MGAT5B: variants seen among roughly 807,000 people sequenced by gnomAD.
MGAT5B encodes N-acetylglucosaminyl-transferase Vb.
MGAT5B carries 54 observed loss-of-function variants against 95.1 expected under a neutral mutation model. That is an observed-to-expected ratio of 0.57 (90% CI 0.46 to 0.71). The LOEUF (loss-of-function observed/expected upper bound fraction) is 0.71, where lower values mean the gene tolerates loss of function less well. MGAT5B is among the 30% of genes least tolerant of loss of function. MGAT5B has a pLI of 0.00. For missense variants in MGAT5B, 935 were observed against 1,088.6 expected (o/e 0.86, Z 1.99); for synonymous variants, 464 against 451.0 (o/e 1.03, Z -0.36).
At chr17:76,943,397 C>G (rs911666815) in intron 15 of MGAT5B, among the ~76,000 whole-genome samples, 1 of 152,028 alleles carries the variant, frequency 6.6e-6, no homozygotes, top group East Asian at 1.9e-4. Flanking sequence ...CAGCTCACCC[C>G]CTCAGCTCAC....
At chr17:76,935,223 T>C (rs114172599) in intron 12 of MGAT5B, among the ~76,000 whole-genome samples, 1,794 of 152,262 alleles carry the variant, frequency 0.012, 39 homozygotes, top group African/African-American at 0.041. Flanking sequence ...CCTCAGACAG[T>C]CATCTGGGTG....
rs1379442150 is a variant in MGAT5B at position 76,916,013 on chromosome 17, C to T, written c.1026-8953C>T. Among the ~76,000 whole-genome samples, 1 of 152,244 alleles carries T rather than the reference C, an allele frequency of 6.6e-6. No individual in the cohort carries two copies. Among genetic ancestry groups the T allele is most frequent in the Non-Finnish European group, 1.5e-5 (1 of 68,044 alleles). On this transcript the variant is annotated intron_variant, in intron 8 of 17. Coordinates refer to ENST00000569840, the MANE Select transcript of MGAT5B (RefSeq NM_001199172.2). The surrounding 1 kb of genome is among the most constrained non-coding windows in gnomAD (Gnocchi z 5.3). The stretch of plus-strand genomic sequence containing the variant: ...TAAGGGGACAGAGAGGGAGCAGGCG[C>T]CGGCATGCCGAGTGTGGCGGGGTCA...
At chr17:76,882,421 C>T in intron 3 of MGAT5B, 123 bp downstream of exon 3, 2 of 1,236,040 alleles carry the variant, frequency 1.6e-6, no homozygotes, top group Non-Finnish European at 2.2e-6. Flanking sequence ...CACTGTGGTA[C>T]AGCCCAGAGT....
At chr17:76,884,705 G>A (rs1246542895) in intron 3 of MGAT5B, among the ~76,000 whole-genome samples, 1 of 151,660 alleles carries the variant, frequency 6.6e-6, no homozygotes, top group African/African-American at 2.4e-5. Flanking sequence ...CCGGGTTCAA[G>A]CGATTCTCCT....
intron 16 of MGAT5B, 37 bp from the exon 17 acceptor site, chr17:76,947,793 G>A (rs761433732): frequency 2.7e-5 from 41 of 1,505,184 alleles, no homozygotes; most frequent in African/African-American, 1.8e-4. Flanking sequence ...CACCTGGGTC[G>A]CACTTCCCCA....
chr17:76,937,970 CT>C lies in MGAT5B; in HGVS notation c.1429-17del. ...GTGGTTTGCATGTGGTTCCCATCTC[CT>C]CCTCTTCTTTTTCCAGGGGAAGGAG... On this transcript the variant is annotated splice_polypyrimidine_tract_variant and intron_variant, in intron 12 of 17. Coordinates refer to ENST00000569840, the MANE Select transcript of MGAT5B (RefSeq NM_001199172.2). 6.2e-7 allele frequency: 1 copy of C among 1,611,512 alleles called. No individual in the cohort carries two copies. The highest frequency in any genetic ancestry group is 1.1e-5 in the South Asian group (1 of 91,044).
chr17:76,891,646 G>A (rs139874423), intron 3 of MGAT5B, among the ~76,000 whole-genome samples: 3 of 152,062 alleles, frequency 2.0e-5, no homozygotes, highest in Non-Finnish European at 4.4e-5. Flanking sequence ...TCCCAGAGTG[G>A]TGGGATTACA....
chr17:76,910,049 TAGC>T (rs900191130), intron 8 of MGAT5B, among the ~76,000 whole-genome samples: 5 of 152,024 alleles, frequency 3.3e-5, no homozygotes, highest in African/African-American at 1.2e-4. Flanking sequence ...CACCTTGAAA[TAGC>T]AGGTCCAGGA....
intron 12 of MGAT5B, among the ~76,000 whole-genome samples, chr17:76,937,486 G>C (rs941501595): frequency 1.3e-5 from 2 of 151,984 alleles, no homozygotes; most frequent in African/African-American, 4.8e-5. Flanking sequence ...TGGACGCATA[G>C]AGTTATGGGC....
intron 8 of MGAT5B, among the ~76,000 whole-genome samples, chr17:76,909,564 C>G (rs1968657931): frequency 6.6e-6 from 1 of 152,228 alleles, no homozygotes; most frequent in African/African-American, 2.4e-5. Flanking sequence ...GCAGAGGATG[C>G]TGATGAGGAC....
chr17:76,932,861 C>G (rs1428129283), intron 11 of MGAT5B, 86 bp downstream of exon 11: 1 of 1,522,514 alleles, frequency 6.6e-7, no homozygotes, highest in Admixed American at 2.3e-5. Context: ...TTCCAGGATG[C>G]GGTGCCCTCC....
chr17:76,907,359 TA>T (rs906827783), intron 8 of MGAT5B, among the ~76,000 whole-genome samples: 1 of 152,178 alleles, frequency 6.6e-6, no homozygotes, highest in Non-Finnish European at 1.5e-5. Flanking sequence ...CCTGCTTTTG[TA>T]AAAAAAGTTT....
At chr17:76,887,701 G>A (rs1348763155) in intron 3 of MGAT5B, among the ~76,000 whole-genome samples, 5 of 151,028 alleles carry the variant, frequency 3.3e-5, no homozygotes, top group African/African-American at 1.2e-4. Flanking sequence ...TTACAGGCGT[G>A]CACCACCATG....
chr17:76,949,557 C>G lies in MGAT5B; in HGVS notation c.*719C>G, dbSNP rs949166638. On this transcript the variant is annotated 3_prime_UTR_variant, in exon 18 of 18. Coordinates refer to ENST00000569840, the MANE Select transcript of MGAT5B (RefSeq NM_001199172.2). ...TGGGGGTGTAGGGACCACCCAGACC[C>G]TGGTTGAATTGTTTCTCTCTCCTGC... The G allele has an allele frequency of 2.6e-5, 4 of 152,234 alleles. No homozygotes were observed. The highest frequency in any genetic ancestry group is 9.7e-5 in the African/African-American group (4 of 41,382). 9.4% of individuals were successfully genotyped at this position (152,234 alleles called of 1,614,324 possible).
Position 76,915,147 on chromosome 17 carries a change from C to T in MGAT5B, c.1025+8960C>T, listed in dbSNP as rs1013874436. 3.3e-5 allele frequency among the ~76,000 whole-genome samples: 5 copies of T among 152,282 alleles called. No homozygotes were observed. In the South Asian group the frequency reaches 1.0e-3, roughly 32 times the overall value. On this transcript the variant is annotated intron_variant, in intron 8 of 17. Coordinates refer to ENST00000569840, the MANE Select transcript of MGAT5B (RefSeq NM_001199172.2). The surrounding 1 kb of genome is among the most constrained non-coding windows in gnomAD (Gnocchi z 8.7). Reference sequence around the variant, plus strand: ...GTTTATTTTTCGAGATAAGAGAGTGCACTCATGTTTAAATGTGGCTGCAAA... The same window carrying T: ...GTTTATTTTTCGAGATAAGAGAGTGTACTCATGTTTAAATGTGGCTGCAAA...
At chr17:76,878,232 G>A (rs972286883) in intron 2 of MGAT5B, among the ~76,000 whole-genome samples, 6 of 152,134 alleles carry the variant, frequency 3.9e-5, no homozygotes, top group Non-Finnish European at 7.4e-5. Context: ...AGCACAAAAT[G>A]TGCCTGGTAC....
chr17:76,900,655 C>T (rs908099735), intron 3 of MGAT5B, among the ~76,000 whole-genome samples: 6 of 152,240 alleles, frequency 3.9e-5, no homozygotes, highest in Admixed American at 2.6e-4. Context: ...GCCCTGCTGC[C>T]ACCTCGCTGT....
chr17:76,939,329 C>T (rs1969790055), intron 13 of MGAT5B, among the ~76,000 whole-genome samples: 1 of 151,936 alleles, frequency 6.6e-6, no homozygotes, highest in Non-Finnish European at 1.5e-5. Context: ...GAAACCCTGT[C>T]TCTACTAAAA....
At position 76,940,880 on chromosome 17, in the gene MGAT5B, C is replaced by G. The variant is rs767298877; in HGVS notation, c.1848+32C>G. 6.6e-7 allele frequency: 1 copy of G among 1,503,802 alleles called. No homozygotes were observed. Among genetic ancestry groups the G allele is most frequent in the Non-Finnish European group, 9.3e-7 (1 of 1,080,216 alleles). The allele number at this position is 1,503,802 out of a possible 1,614,324, so 93.2% of individuals were successfully genotyped here. A position where few individuals can be genotyped will look rare whatever the true frequency, so the allele number is the denominator to read the frequency against. ...GCAGCCACATACAGTTGAGACCCCC[C>G]ACTAGTCCACACTGCTGGTCTTCAC... On this transcript the variant is annotated intron_variant, in intron 15 of 17. Coordinates refer to ENST00000569840, the MANE Select transcript of MGAT5B (RefSeq NM_001199172.2). This position sits in a 1 kb window ranked among gnomAD's most constrained non-coding sequence, Gnocchi z 4.3.
Sources: gnomAD v4.1 joint callset for allele counts (sites outside exome capture counted in the v4.1 genomes callset) on GRCh38, gnomAD v4.1.1 for gene constraint, Gnocchi (gnomAD v3.1) non-coding constraint, MANE v1.5 for transcripts, NCBI Gene and HGNC (gene_info 2026-07-23, HGNC 2026-07-21) for gene names.